The following PDZRN3 variants were observed in gnomAD, a reference collection of about 807,000 sequenced individuals.
The protein encoded by PDZRN3 is PDZ domain containing ring finger 3.
In PDZRN3, 38 loss-of-function variants were observed where a neutral mutation model predicts 85.7. The ratio of observed to expected loss-of-function variants is 0.44; its 90% CI spans 0.34 to 0.58. The LOEUF is 0.58. Among genes scored for constraint, PDZRN3 ranks in the 20% least tolerant of loss-of-function variants. The pLI, the probability that PDZRN3 is intolerant of heterozygous loss-of-function variation, is 0.01. For missense variants in PDZRN3, 1,629 were observed against 1,506.4 expected, an observed-to-expected ratio of 1.08 and a Z score of -1.35; for synonymous variants, 759 against 638.0, an observed-to-expected ratio of 1.19 and a Z score of -2.86.
chr3:73,608,480 G>T, intron 2 of PDZRN3, 118 bp downstream of exon 2: 1 of 712,290 alleles, frequency 1.4e-6, no homozygotes, highest in South Asian at 1.6e-5. Flanking sequence ...ACCCTCTAAT[G>T]ACAGAGAGCA....
At chr3:73,433,732 C>T in intron 3 of PDZRN3, 2 of 1,535,988 alleles carry the variant, frequency 1.3e-6, no homozygotes, top group Non-Finnish European at 1.7e-6. Context: ...CAAAGGAAGG[C>T]TTCCGTTCTC....
intron 3 of PDZRN3, among the ~76,000 whole-genome samples, chr3:73,596,829 T>C (rs1237914052): frequency 6.6e-6 from 1 of 152,208 alleles, no homozygotes; most frequent in Admixed American, 6.5e-5. Flanking sequence ...ATAGGGACCA[T>C]TAGCAAGATC....
At chr3:73,394,991 T>C (rs1335044766) in intron 5 of PDZRN3, among the ~76,000 whole-genome samples, 1 of 152,214 alleles carries the variant, frequency 6.6e-6, no homozygotes, top group African/African-American at 2.4e-5. Flanking sequence ...AGTGTCTAGA[T>C]TTGTATGCTG....
chr3:73,486,559 A>G (rs1307856650), intron 3 of PDZRN3, among the ~76,000 whole-genome samples: 1 of 152,258 alleles, frequency 6.6e-6, no homozygotes, highest in Non-Finnish European at 1.5e-5. Context: ...TGATGGACGT[A>G]AGACAACGTG....
At chr3:73,526,660 CTT>C (rs1704530980) in intron 3 of PDZRN3, among the ~76,000 whole-genome samples, 1 of 152,178 alleles carries the variant, frequency 6.6e-6, no homozygotes, top group South Asian at 2.1e-4. Context: ...GTCCCATAAA[CTT>C]TGTCTTAGTT....
intron 3 of PDZRN3, among the ~76,000 whole-genome samples, chr3:73,599,955 T>C (rs1702487366): frequency 6.6e-6 from 1 of 152,230 alleles, no homozygotes; most frequent in Non-Finnish European, 1.5e-5. Context: ...CAACAGCCTA[T>C]ATATTTTTAC....
intron 3 of PDZRN3, among the ~76,000 whole-genome samples, chr3:73,431,242 T>C (rs1173700244): frequency 6.6e-6 from 1 of 152,174 alleles, no homozygotes; most frequent in Non-Finnish European, 1.5e-5. Flanking sequence ...GTTTTTCTAA[T>C]GTGATTAAAG....
At chr3:73,482,855 C>G (rs1332620403) in intron 3 of PDZRN3, among the ~76,000 whole-genome samples, 1 of 152,214 alleles carries the variant, frequency 6.6e-6, no homozygotes, top group African/African-American at 2.4e-5. Context: ...AGTGCAGATT[C>G]AGAAGCTATG....
chr3:73,612,638 T>A (rs994951324), intron 1 of PDZRN3, among the ~76,000 whole-genome samples: 1 of 152,226 alleles, frequency 6.6e-6, no homozygotes, highest in African/African-American at 2.4e-5. Context: ...TGCAAGATGC[T>A]GTCTGGCTGA....
chr3:73,532,137 A>T (rs1559725415), intron 3 of PDZRN3, among the ~76,000 whole-genome samples: 1 of 151,668 alleles, frequency 6.6e-6, no homozygotes, highest in Non-Finnish European at 1.5e-5. Context: ...AGTAGCTGGG[A>T]TTACAGGCGC....
chr3:73,607,329 A>G (rs905350437), intron 2 of PDZRN3, among the ~76,000 whole-genome samples: 1 of 152,212 alleles, frequency 6.6e-6, no homozygotes, highest in African/African-American at 2.4e-5. Flanking sequence ...CATTATATAT[A>G]CAAATAAAAT....
intron 3 of PDZRN3, among the ~76,000 whole-genome samples, chr3:73,484,916 C>A (rs534980436): frequency 6.6e-6 from 1 of 152,158 alleles, no homozygotes; most frequent in Non-Finnish European, 1.5e-5. Flanking sequence ...GCACCCGAAA[C>A]CAGGGCGAGC....
At chr3:73,455,149 C>T (rs1702953405) in intron 3 of PDZRN3, among the ~76,000 whole-genome samples, 1 of 152,184 alleles carries the variant, frequency 6.6e-6, no homozygotes, top group African/African-American at 2.4e-5. Flanking sequence ...AAAAGAATCA[C>T]CATGAGTAAT....
intron 3 of PDZRN3, among the ~76,000 whole-genome samples, chr3:73,441,469 G>A (rs923721608): frequency 2.8e-5 from 4 of 142,454 alleles, no homozygotes; most frequent in African/African-American, 5.3e-5. Context: ...TGTACCAAAC[G>A]AGGCTGTGTG....
intron 3 of PDZRN3, among the ~76,000 whole-genome samples, chr3:73,542,639 T>C (rs1274946198): frequency 1.3e-5 from 2 of 151,996 alleles, no homozygotes; most frequent in Non-Finnish European, 2.9e-5. Flanking sequence ...CTGGGCGTGG[T>C]GGCAGGCGCC....
chr3:73,581,710 T>G (rs1702204133), intron 3 of PDZRN3, among the ~76,000 whole-genome samples: 1 of 152,118 alleles, frequency 6.6e-6, no homozygotes, highest in South Asian at 2.1e-4. Context: ...TAAGTTATAT[T>G]TGTATCTATT....
chr3:73,449,343 G>A (rs1559685485), intron 3 of PDZRN3, among the ~76,000 whole-genome samples: 1 of 151,800 alleles, frequency 6.6e-6, no homozygotes, highest in East Asian at 1.9e-4. Flanking sequence ...AAGTCCCAAC[G>A]GCTGTAGTTA....
At chr3:73,557,259 G>C (rs1037705402) in intron 3 of PDZRN3, among the ~76,000 whole-genome samples, 1 of 152,198 alleles carries the variant, frequency 6.6e-6, no homozygotes, top group Non-Finnish European at 1.5e-5. Flanking sequence ...ATGATGGGAA[G>C]CCAGCTGCTT....
chr3:73,461,281 T>G (rs927695060), intron 3 of PDZRN3, among the ~76,000 whole-genome samples: 1 of 152,218 alleles, frequency 6.6e-6, no homozygotes, highest in Non-Finnish European at 1.5e-5. Context: ...TTATTCTACA[T>G]GTATATGTTT....
Sources: allele counts gnomAD v4.1 joint callset (sites outside exome capture counted in the v4.1 genomes callset), GRCh38; gene constraint gnomAD v4.1.1; transcripts MANE v1.5; gene names NCBI Gene and HGNC (gene_info 2026-07-23, HGNC 2026-07-21).